MPP4: variants seen among roughly 807,000 people sequenced by gnomAD.
The protein encoded by MPP4 is MAGUK p55 scaffold protein 4.
In MPP4, 91 loss-of-function variants were observed where a neutral mutation model predicts 98.3. The ratio of observed to expected loss-of-function variants is 0.93; its 90% CI spans 0.78 to 1.10. The LOEUF is 1.10. MPP4 is among the 50% of genes least tolerant of loss of function. The pLI is 0.00. For synonymous variants in MPP4, 261 were observed against 271.8 expected (o/e 0.96, Z 0.39); for missense variants, 744 against 792.9 (o/e 0.94, Z 0.74).
chr2:201,654,774 A>G, intron 18 of MPP4, 63 bp downstream of exon 18: 8 of 1,180,176 alleles, frequency 6.8e-6, no homozygotes, highest in Non-Finnish European at 9.8e-6. Context: ...ACATAGTTAA[A>G]TGAGATCAGC....
Position 201,657,603 on chromosome 2 carries a change from TTTTTTG to T in MPP4, c.1129+868_1129+873del, listed in dbSNP as rs1283380832. ...ACCCTGGCCCTTGTTTTTTTTTTGT[TTTTTTG>T]TTTTTTTTTGCTTATTGTATCAATC... is the stretch of plus-strand genomic sequence containing the variant. On this transcript the variant is annotated intron_variant, in intron 16 of 21. Coordinates refer to ENST00000409474, the MANE Select transcript of MPP4 (RefSeq NM_033066.3). Among the ~76,000 whole-genome samples, 67 of 125,098 alleles carry T rather than the reference TTTTTTG, an allele frequency of 5.4e-4. 11 individuals carry two copies. The highest frequency in any genetic ancestry group is 1.6e-3 in the African/African-American group (51 of 30,962). 82.1% of individuals were successfully genotyped at this position (125,098 alleles called of 152,430 possible).
rs373716930 is a variant in MPP4, at chr2:201,664,508, G to A, written c.1052-407C>T. 4.6e-5 allele frequency among the ~76,000 whole-genome samples: 7 copies of A among 152,230 alleles called. No homozygotes were observed. The East Asian group carries it at 5.8e-4, about 13-fold the overall frequency. On this transcript the variant is annotated intron_variant, in intron 13 of 21. Coordinates refer to ENST00000409474, the MANE Select transcript of MPP4 (RefSeq NM_033066.3). Reference sequence around the variant, plus strand: ...GGGTGCACCCTGCCTGAAGAGTTGCGGACCCACAAACGGGGGTGATGACGA... The same window carrying A: ...GGGTGCACCCTGCCTGAAGAGTTGCAGACCCACAAACGGGGGTGATGACGA...
At chr2:201,659,780 G>A (rs1687972555) in intron 15 of MPP4, among the ~76,000 whole-genome samples, 1 of 152,212 alleles carries the variant, frequency 6.6e-6, no homozygotes, top group African/African-American at 2.4e-5. Flanking sequence ...GTTGCAGTAA[G>A]CTGAGATCAT....
chr2:201,650,955 C>T, intron 18 of MPP4: 1 of 985,290 alleles, frequency 1.0e-6, no homozygotes, highest in Non-Finnish European at 1.2e-6. Flanking sequence ...TATTTGTTGT[C>T]TGCTCATTCA....
At chr2:201,651,676 G>A (rs1160404569) in intron 18 of MPP4, 35 of 984,926 alleles carry the variant, frequency 3.6e-5, no homozygotes, top group East Asian at 3.4e-4. Flanking sequence ...GATTTTGGCC[G>A]GGCACAGTGG....
At chr2:201,666,413 G>C (rs17384314) in intron 12 of MPP4, 41 bp from the exon 13 acceptor site, 590,223 of 1,468,276 alleles carry the variant, frequency 0.4, 123,169 homozygotes, top group Non-Finnish European at 0.42. Context: ...AATTTAAAAT[G>C]TGTCTGCATT....
chr2:201,666,167 T>G, intron 13 of MPP4, 167 bp downstream of exon 13: 1 of 515,396 alleles, frequency 1.9e-6, no homozygotes, highest in Non-Finnish European at 3.4e-6. Context: ...CCACAGCTTC[T>G]CCTTCCAAGT....
At chr2:201,660,178 C>CG (rs1175214837) in intron 15 of MPP4, among the ~76,000 whole-genome samples, 154 bp downstream of exon 15, 1 of 152,030 alleles carries the variant, frequency 6.6e-6, no homozygotes, top group Non-Finnish European at 1.5e-5. Flanking sequence ...TGTGTTTCCT[C>CG]GGGAAAAAAT....
At chr2:201,679,144 A>G (rs1025264373) in intron 10 of MPP4, among the ~76,000 whole-genome samples, 3 of 151,948 alleles carry the variant, frequency 2.0e-5, no homozygotes, top group African/African-American at 7.3e-5. Flanking sequence ...CATTGATCTT[A>G]CTTCCTTCTC....
chr2:201,683,043 T>C, intron 7 of MPP4, 127 bp from the exon 8 acceptor site: 1 of 634,442 alleles, frequency 1.6e-6, no homozygotes, highest in East Asian at 2.9e-5. Context: ...TATAAAATAA[T>C]AATAGAAAAG....
chr2:201,647,873 T>G (rs1687609306), intron 20 of MPP4, 48 bp from the exon 21 acceptor site: 1 of 1,537,600 alleles, frequency 6.5e-7, no homozygotes, highest in South Asian at 1.2e-5. Context: ...TGTTTTGTTT[T>G]GAGACATGGT....
At chr2:201,661,569 T>A (rs1399794701) in intron 14 of MPP4, 1 of 456,440 alleles carries the variant, frequency 2.2e-6, no homozygotes, top group African/African-American at 2.0e-5. Flanking sequence ...GCAGTGCTGT[T>A]CTCAAAAGAA....
intron 4 of MPP4, among the ~76,000 whole-genome samples, chr2:201,688,490 G>C (rs1688901745): frequency 6.6e-6 from 1 of 152,228 alleles, no homozygotes; most frequent in Non-Finnish European, 1.5e-5. Context: ...GGTGGCATTT[G>C]AGTGGAGACT....
intron 9 of MPP4, 81 bp downstream of exon 9, chr2:201,681,415 T>G (rs967644025): frequency 8.6e-7 from 1 of 1,162,424 alleles, no homozygotes; most frequent in Admixed American, 1.8e-5. Context: ...GTACAAAGGA[T>G]AGGATTATTA....
chr2:201,681,452 G>A (rs1256336531), intron 9 of MPP4, 44 bp downstream of exon 9: 2 of 1,446,996 alleles, frequency 1.4e-6, no homozygotes, highest in South Asian at 1.2e-5. Context: ...GCTGTTACTT[G>A]GGGATTTACT....
intron 18 of MPP4, 50 bp downstream of exon 18, chr2:201,654,787 A>G (rs1687809140): frequency 1.5e-6 from 2 of 1,371,310 alleles, no homozygotes; most frequent in African/African-American, 1.4e-5. Flanking sequence ...AGATCAGCAA[A>G]GAAAGTTTTA....
chr2:201,645,880 A>C (rs1236353460), intron 21 of MPP4, among the ~76,000 whole-genome samples: 1 of 152,230 alleles, frequency 6.6e-6, no homozygotes, highest in African/African-American at 2.4e-5. Context: ...ATTAATGTGA[A>C]GCATAAGCAA....
chr2:201,694,756 G>T (rs181902719), intron 1 of MPP4, among the ~76,000 whole-genome samples: 339 of 151,420 alleles, frequency 2.2e-3, no homozygotes, highest in Non-Finnish European at 3.7e-3. Flanking sequence ...GAGTATCTGG[G>T]ACCATAGGCA....
At chr2:201,672,672 A>T (rs1220944079) in intron 11 of MPP4, among the ~76,000 whole-genome samples, 1 of 152,198 alleles carries the variant, frequency 6.6e-6, no homozygotes, top group Non-Finnish European at 1.5e-5. Context: ...AAATTCCTGG[A>T]CACATGCACC....
Sources: gnomAD v4.1 joint callset for allele counts (sites outside exome capture counted in the v4.1 genomes callset) on GRCh38, gnomAD v4.1.1 for gene constraint, MANE v1.5 for transcripts, NCBI Gene and HGNC (gene_info 2026-07-23, HGNC 2026-07-21) for gene names.